Variants in DNAH11 observed in about 807,000 individuals in gnomAD.
The protein encoded by DNAH11 is axonemal beta dynein heavy chain 11.
Under a neutral mutation model 526.0 loss-of-function variants are expected in DNAH11, and 442 were observed. That is an observed-to-expected ratio of 0.84 (90% CI 0.78 to 0.91). The LOEUF (loss-of-function observed/expected upper bound fraction) is 0.91. Ranked by LOEUF, DNAH11 falls within the 40% of genes least tolerant of loss-of-function variation. The pLI, the probability that DNAH11 is intolerant of heterozygous loss-of-function variation, is 0.00. For missense variants in DNAH11, 6,989 were observed against 5,448.7 expected, an observed-to-expected ratio of 1.28 and a Z score of -8.90; for synonymous variants, 2,461 against 1,935.9, an observed-to-expected ratio of 1.27 and a Z score of -7.12.
At chr7:21,603,260 A>G (rs543060546) in intron 18 of DNAH11, among the ~76,000 whole-genome samples, 88 of 152,312 alleles carry the variant, frequency 5.8e-4, no homozygotes, top group Non-Finnish European at 8.5e-4. Flanking sequence ...TGGCTGAATA[A>G]CATTCCATTG....
chr7:21,609,626 CCAGA>C (rs1785437367), intron 20 of DNAH11, among the ~76,000 whole-genome samples: 1 of 152,136 alleles, frequency 6.6e-6, no homozygotes. Context: ...TTATGGTGGA[CCAGA>C]CATTTTGAAA....
intron 14 of DNAH11, among the ~76,000 whole-genome samples, chr7:21,593,890 TC>T (rs1245195088): frequency 1.3e-5 from 2 of 149,192 alleles, no homozygotes; most frequent in African/African-American, 5.0e-5. Flanking sequence ...CTGCCCCTGC[TC>T]CCCCCAGACA....
At position 21,741,964 on chromosome 7, in the gene DNAH11, T is replaced by C. The variant is rs780002349; in HGVS notation, c.7952T>C (p.Leu2651Ser). ...GTGTTTGCATTCAATTTTCCATCTT[T>C]GGATGCACTAAACACCATCTATGGC... is the stretch of plus-strand genomic sequence containing the variant. ...FTVFAFNFPSLDALNTIYGQI... is the reference protein window; with the variant it reads ...FTVFAFNFPSSDALNTIYGQI... The change falls in exon 49 of 82, where the codon TTG becomes TCG. Residue 2651 changes from leucine (L) to serine (S), a missense_variant. By Grantham distance (145) the Leu-to-Ser change is moderately radical. Transcript: ENST00000409508. 33 of 1,613,838 alleles carry C rather than the reference T, an allele frequency of 2.0e-5. No homozygotes were observed. Among genetic ancestry groups the C allele is most frequent in the Admixed American group, 5.0e-5 (3 of 60,000 alleles).
In DNAH11 at chr7:21,816,654, A is replaced by G; in HGVS notation, c.10520A>G (p.Lys3507Arg). 6.2e-7 allele frequency: 1 copy of G among 1,613,754 alleles called. No individual in the cohort carries two copies. The highest frequency in any genetic ancestry group is 8.5e-7 in the Non-Finnish European group (1 of 1,179,774). ...CAGCAACAGGGAATTAAGTGGATCA[A>G]GAATAAGTATGGAATGGACCTGAAA... ...DPQQQGIKWI[K>R]NKYGMDLKVT... The change falls in exon 64 of 82, where the codon AAG becomes AGG. Residue 3507 changes from lysine (K) to arginine (R), a missense_variant. Coordinates refer to ENST00000409508, the MANE Select transcript of DNAH11 (RefSeq NM_001277115.2).
chr7:21,647,483 G>A (rs997934040), intron 28 of DNAH11, among the ~76,000 whole-genome samples: 12 of 143,092 alleles, frequency 8.4e-5, no homozygotes, highest in Non-Finnish European at 1.5e-4. Flanking sequence ...AGGCTGGAGT[G>A]TAGTGGCCTG....
At chr7:21,692,922 A>C (rs1248970334) in intron 35 of DNAH11, among the ~76,000 whole-genome samples, 1 of 152,182 alleles carries the variant, frequency 6.6e-6, no homozygotes. Flanking sequence ...ATGATGGCTA[A>C]TGATGTTGAG....
chr7:21,591,401 C>G lies in DNAH11; in HGVS notation c.2491C>G (p.Gln831Glu), dbSNP rs753129819. The G allele has an allele frequency of 1.3e-5, 21 of 1,613,906 alleles. 1 individual carries two copies. Among genetic ancestry groups the G allele is most frequent in the Middle Eastern group, 1.6e-4 (1 of 6,062 alleles). The change falls in exon 14 of 82, where the codon CAG becomes GAG. Residue 831 changes from glutamine (Q) to glutamate (E), a missense_variant. Physicochemically the swap from Gln to Glu is conservative, Grantham distance 29. Transcript: ENST00000409508. Reference protein sequence around the residue: ...SELEHRVERTQKNVKVIQQTM... With the variant: ...SELEHRVERTEKNVKVIQQTM... ...GTTGGAGCACAGAGTTGAGCGCACA[C>G]AGAAAAACGTGAAGGTGATCCAGCA... is the stretch of plus-strand genomic sequence containing the variant.
chr7:21,789,812 C>CTTTCTTTCTTTCTTTCTTTCTTT (rs1562547216), intron 61 of DNAH11, among the ~76,000 whole-genome samples: 13 of 76,154 alleles, frequency 1.7e-4, no homozygotes, highest in Non-Finnish European at 2.6e-4. Context: ...TTTCTTTTTT[C>CTTTCTTTCTTTCTTTCTTTCTTT]TTTCTTTCTT....
intron 61 of DNAH11, among the ~76,000 whole-genome samples, chr7:21,793,703 A>C (rs1052062771): frequency 1.8e-4 from 27 of 151,430 alleles, no homozygotes; most frequent in African/African-American, 6.5e-4. Context: ...TCTAGTGTTT[A>C]GTTTATCATT....
chr7:21,762,682 A>G (rs984299067), intron 54 of DNAH11, among the ~76,000 whole-genome samples: 1 of 152,248 alleles, frequency 6.6e-6, no homozygotes, highest in African/African-American at 2.4e-5. Context: ...AGCTTATGCA[A>G]CATTAAAAAA....
At chr7:21,651,175 C>T (rs928348681) in intron 28 of DNAH11, among the ~76,000 whole-genome samples, 1 of 151,888 alleles carries the variant, frequency 6.6e-6, no homozygotes, top group Non-Finnish European at 1.5e-5. Context: ...ATGAATGAGT[C>T]CTGAGGTGCT....
Position 21,620,023 on chromosome 7 carries a change from G to T in DNAH11, c.4445G>T (p.Gly1482Val), listed in dbSNP as rs374100278. 2 of 1,609,244 alleles carry T rather than the reference G, an allele frequency of 1.2e-6. No individual in the cohort carries two copies. The highest frequency in any genetic ancestry group is 1.7e-6 in the Non-Finnish European group (2 of 1,178,210). ...KFSYEVHYRTGIPLLKSDEQL... is the reference protein window; with the variant it reads ...KFSYEVHYRTVIPLLKSDEQL... ...TCTTACGAAGTTCACTATCGAACAG[G>T]CATTCCATTACTAAAGTCTGATGAA... Residue 1482 changes from glycine to valine, a missense_variant, in exon 25 of 82, where the codon GGC (glycine) becomes GTC (valine). Transcript: ENST00000409508.
chr7:21,830,257 G>C (rs1583747567), intron 65 of DNAH11, among the ~76,000 whole-genome samples: 2 of 145,570 alleles, frequency 1.4e-5, no homozygotes, highest in East Asian at 4.1e-4. Flanking sequence ...TATACAAGTT[G>C]AATGATTTAT....
In DNAH11 at chr7:21,852,561, T is replaced by C; in HGVS notation, c.10991T>C (p.Phe3664Ser). 6.2e-7 allele frequency: 1 copy of C among 1,612,712 alleles called. No homozygotes were observed. Among genetic ancestry groups the C allele is most frequent in the South Asian group, 1.1e-5 (1 of 90,612 alleles). The change falls in exon 67 of 82, where the codon TTT becomes TCT. Residue 3664 changes from phenylalanine (F) to serine (S), a missense_variant. Phe to Ser is a radical substitution (Grantham distance 155). Transcript: ENST00000409508. The stretch of plus-strand genomic sequence containing the variant: ...CGCCTTTCTGCGGCAGAGGGAAGCT[T>C]TCTGGATGACACCAAACTGGTAGAG... Reference protein sequence around the residue: ...LLRLSAAEGSFLDDTKLVERL... With the variant: ...LLRLSAAEGSSLDDTKLVERL...
chr7:21,625,513 C>T (rs1490972688), intron 25 of DNAH11, among the ~76,000 whole-genome samples: 1 of 152,120 alleles, frequency 6.6e-6, no homozygotes, highest in Non-Finnish European at 1.5e-5. Flanking sequence ...AATTACTGCT[C>T]TGATCGTTAT....
chr7:21,770,035 A>G (rs1166502734), intron 55 of DNAH11, among the ~76,000 whole-genome samples: 2 of 152,158 alleles, frequency 1.3e-5, no homozygotes, highest in Non-Finnish European at 2.9e-5. Flanking sequence ...AACAGCATAC[A>G]ATTTAGAAAA....
intron 66 of DNAH11, chr7:21,851,507 A>G (rs1056441885): frequency 1.1e-5 from 5 of 468,644 alleles, no homozygotes; most frequent in Admixed American, 2.4e-5. Context: ...GAGAACAGAA[A>G]GTTCTGGACA....
intron 28 of DNAH11, among the ~76,000 whole-genome samples, chr7:21,653,491 G>T (rs564638045): frequency 6.6e-6 from 1 of 152,150 alleles, no homozygotes; most frequent in Admixed American, 6.5e-5. Context: ...CACCCAAGCC[G>T]TAATGTGTGA....
chr7:21,867,807 C>G (rs1783337961), intron 71 of DNAH11, 52 bp from the exon 72 acceptor site: 3 of 1,533,002 alleles, frequency 2.0e-6, no homozygotes, highest in Non-Finnish European at 2.7e-6. Context: ...AATGGTGACT[C>G]TTTTCAAGGT....
Sources: gnomAD v4.1 joint callset for allele counts (sites outside exome capture counted in the v4.1 genomes callset) on GRCh38, gnomAD v4.1.1 for gene constraint, MANE v1.5 for transcripts, NCBI Gene and HGNC (gene_info 2026-07-23, HGNC 2026-07-21) for gene names.